Variants in VRK2 observed in about 807,000 individuals in gnomAD.
VRK2 encodes the protein serine/threonine-protein kinase VRK2.
In VRK2, 60 loss-of-function variants were observed where a neutral mutation model predicts 57.6. The ratio of observed to expected loss-of-function variants is 1.04; its 90% confidence interval spans 0.85 to 1.29. The LOEUF (loss-of-function observed/expected upper bound fraction) is 1.29, where lower values mean the gene tolerates loss of function less well. VRK2 is among the 50% of genes most tolerant of loss of function. VRK2 has a pLI of 0.00. For missense variants in VRK2, 705 were observed against 588.1 expected (o/e 1.20, Z -2.06); for synonymous variants, 231 against 199.2 (o/e 1.16, Z -1.35).
chr2:58,151,847 A>C (rs1320964181), intron 12 of VRK2, among the ~76,000 whole-genome samples: 1 of 136,072 alleles, frequency 7.3e-6, no homozygotes, highest in Non-Finnish European at 1.5e-5. Flanking sequence ...TTTTGTAAAT[A>C]GTTTTATTGG....
intron 1 of VRK2, among the ~76,000 whole-genome samples, chr2:58,016,225 TA>T (rs1673577359): frequency 6.6e-6 from 1 of 151,296 alleles, no homozygotes; most frequent in Non-Finnish European, 1.5e-5. Context: ...TTATTGTATG[TA>T]AAGGAGTAAA....
chr2:57,992,483 A>C (rs570171488), intron 1 of VRK2, among the ~76,000 whole-genome samples: 7 of 152,312 alleles, frequency 4.6e-5, no homozygotes, highest in African/African-American at 1.2e-4. Context: ...GTAAAGTTAA[A>C]CATGAGAAAT....
At chr2:58,045,024 G>T (rs1465233648), upstream of VRK2, among the ~76,000 whole-genome samples, 1 of 152,186 alleles carries the variant, frequency 6.6e-6, no homozygotes, top group Non-Finnish European at 1.5e-5. Context: ...CAGGCTGACT[G>T]TCAATAGTGC....
intron 7 of VRK2, among the ~76,000 whole-genome samples, chr2:58,096,939 A>G (rs1298035718): frequency 6.6e-6 from 1 of 151,986 alleles, no homozygotes; most frequent in East Asian, 1.9e-4. Flanking sequence ...GTAGTTCAGT[A>G]GGAAATTCTT....
At chr2:58,137,415 G>T (rs1479635237) in intron 10 of VRK2, among the ~76,000 whole-genome samples, 1 of 151,566 alleles carries the variant, frequency 6.6e-6, no homozygotes, top group Non-Finnish European at 1.5e-5. Flanking sequence ...TATTGTTAAA[G>T]ATTTGAGTCA....
chr2:58,155,342 T>C (rs916774065), intron 12 of VRK2, among the ~76,000 whole-genome samples: 1 of 152,174 alleles, frequency 6.6e-6, no homozygotes, highest in Admixed American at 6.5e-5. Context: ...GCTGTTGCTC[T>C]GATGTTTGCT....
At chr2:58,155,071 A>C (rs929990480) in intron 12 of VRK2, among the ~76,000 whole-genome samples, 1 of 152,080 alleles carries the variant, frequency 6.6e-6, no homozygotes, top group Non-Finnish European at 1.5e-5. Context: ...TGAATGTTCC[A>C]GTTGCAGTTG....
At chr2:58,007,329 T>C (rs906969203) in intron 1 of VRK2, among the ~76,000 whole-genome samples, 1 of 151,870 alleles carries the variant, frequency 6.6e-6, no homozygotes, top group Non-Finnish European at 1.5e-5. Context: ...AAATCGTGGC[T>C]AACAGAACGA....
chr2:57,935,116 T>C (rs1670863684), intron 1 of VRK2, among the ~76,000 whole-genome samples: 2 of 152,202 alleles, frequency 1.3e-5, no homozygotes, highest in African/African-American at 4.8e-5. Context: ...GGGATTTCTT[T>C]GGGGGTCTCA....
At chr2:57,922,749 A>C (rs1195213386) in intron 1 of VRK2, among the ~76,000 whole-genome samples, 1 of 137,888 alleles carries the variant, frequency 7.3e-6, no homozygotes, top group Admixed American at 7.0e-5. Context: ...CGATACAAAC[A>C]ATCCAATTAT....
intron 1 of VRK2, among the ~76,000 whole-genome samples, chr2:57,931,070 T>C (rs1480259947): frequency 1.3e-5 from 2 of 152,162 alleles, no homozygotes; most frequent in African/African-American, 2.4e-5. Context: ...GTTGCTTCCA[T>C]ATCTTGACTA....
chr2:58,124,493 A>G (rs1295683050), intron 8 of VRK2, among the ~76,000 whole-genome samples: 3 of 152,216 alleles, frequency 2.0e-5, no homozygotes, highest in African/African-American at 7.2e-5. Flanking sequence ...TAAACCAAAC[A>G]ATTTTTAAAC....
At chr2:58,060,561 G>C (rs889318943) in intron 2 of VRK2, among the ~76,000 whole-genome samples, 9 of 151,508 alleles carry the variant, frequency 5.9e-5, no homozygotes, top group Admixed American at 5.9e-4. Context: ...CCATCAAGAA[G>C]AAAAAATAAT....
intron 7 of VRK2, among the ~76,000 whole-genome samples, chr2:58,099,615 G>C (rs1020420758): frequency 6.6e-6 from 1 of 151,984 alleles, no homozygotes; most frequent in Non-Finnish European, 1.5e-5. Context: ...ATGTGTTTCT[G>C]TTCTCAAGCT....
At chr2:57,968,444 C>T (rs1372455668) in intron 1 of VRK2, among the ~76,000 whole-genome samples, 1 of 151,942 alleles carries the variant, frequency 6.6e-6, no homozygotes, top group Non-Finnish European at 1.5e-5. Flanking sequence ...TAATGAAATG[C>T]TTGATTCTTT....
At chr2:58,155,274 G>C (rs1393179326) in intron 12 of VRK2, among the ~76,000 whole-genome samples, 3 of 152,188 alleles carry the variant, frequency 2.0e-5, no homozygotes, top group Non-Finnish European at 4.4e-5. Flanking sequence ...TTAATGCACA[G>C]CAGGCACGGT....
chr2:57,968,833 T>C (rs1672003837), intron 1 of VRK2, among the ~76,000 whole-genome samples: 1 of 152,096 alleles, frequency 6.6e-6, no homozygotes, highest in African/African-American at 2.4e-5. Context: ...TCATGGAATG[T>C]TAAAAAATAT....
At position 58,003,680 on chromosome 2, in the gene VRK2, T is replaced by C. The variant is rs569060350; in HGVS notation, c.-438-21985T>C. ...GGCAATTTTAGCATAAAACAGTGCA[T>C]TGCATTCTCAAAAGCAATTGTTTCT... On this transcript the variant is annotated intron_variant, in intron 1 of 15. Coordinates refer to the VRK2 transcript ENST00000417641. Among the ~76,000 whole-genome samples, 20 of 152,286 alleles carry C rather than the reference T, an allele frequency of 1.3e-4. No individual in the cohort carries two copies. The East Asian group carries it at 2.9e-3, about 22-fold the overall frequency.
At chr2:57,963,309 T>C (rs1671815938) in intron 1 of VRK2, among the ~76,000 whole-genome samples, 1 of 152,226 alleles carries the variant, frequency 6.6e-6, no homozygotes, top group African/African-American at 2.4e-5. Context: ...AAATCAGAAT[T>C]TGTGTGCTAT....
Sources: allele counts gnomAD v4.1 joint callset (sites outside exome capture counted in the v4.1 genomes callset), GRCh38; gene constraint gnomAD v4.1.1; transcripts MANE v1.5; gene names NCBI Gene and HGNC (gene_info 2026-07-23, HGNC 2026-07-21).